CCBE1: variants seen among roughly 807,000 people sequenced by gnomAD.
The protein encoded by CCBE1 is collagen and calcium binding EGF domains 1.
CCBE1 carries 37 observed loss-of-function variants against 50.0 expected under a neutral mutation model. The observed-to-expected ratio is 0.74, with a 90% CI of 0.57 to 0.97. The LOEUF is 0.97. Among genes scored for constraint, CCBE1 ranks in the 50% least tolerant of loss-of-function variants. The probability of loss-of-function intolerance (pLI) is 0.00; values close to 1 mark genes in which losing one functional copy is unlikely to be tolerated. For synonymous variants in CCBE1, 234 were observed against 203.7 expected (o/e 1.15, Z -1.27); for missense variants, 538 against 523.8 (o/e 1.03, Z -0.26).
intron 2 of CCBE1, among the ~76,000 whole-genome samples, chr18:59,578,903 C>T (rs1427911155): frequency 5.9e-5 from 9 of 152,052 alleles, no homozygotes; most frequent in South Asian, 2.1e-4. Context: ...ACCTATGTAA[C>T]GAACCTGCAC....
At chr18:59,460,498 G>C (rs549646224) in intron 5 of CCBE1, among the ~76,000 whole-genome samples, 15 of 152,316 alleles carry the variant, frequency 9.8e-5, no homozygotes, top group Non-Finnish European at 1.8e-4. Context: ...CGGAATGTGG[G>C]ACTCTTTTTG....
rs143076356 is a variant in CCBE1, at chr18:59,649,972, A to G, written c.212+46657T>C. 2.0e-4 allele frequency among the ~76,000 whole-genome samples: 31 copies of G among 152,246 alleles called. 1 individual carries two copies. In the East Asian group the frequency reaches 4.5e-3, roughly 22 times the overall value. ...GGGAAAGGAGGGAGGGGTCCCAGAC[A>G]GGCCTTCCCCACTTGTTTTAGTGGC... On this transcript the variant is annotated intron_variant, in intron 2 of 10. Coordinates refer to ENST00000439986, the MANE Select transcript of CCBE1 (RefSeq NM_133459.4).
intron 2 of CCBE1, among the ~76,000 whole-genome samples, chr18:59,646,344 G>GAGGGATTCT (rs1488200519): frequency 6.6e-6 from 1 of 152,196 alleles, no homozygotes; most frequent in African/African-American, 2.4e-5. Flanking sequence ...ATTGTCCTGA[G>GAGGGATTCT]AGGGATTCTA....
chr18:59,571,120 C>G (rs1052301437), intron 2 of CCBE1, among the ~76,000 whole-genome samples: 1 of 152,186 alleles, frequency 6.6e-6, no homozygotes, highest in Non-Finnish European at 1.5e-5. Flanking sequence ...GTAGAGCAAG[C>G]CAGAATTAAC....
intron 2 of CCBE1, among the ~76,000 whole-genome samples, chr18:59,530,599 G>GC (rs1172506090): frequency 6.6e-6 from 1 of 152,246 alleles, no homozygotes; most frequent in African/African-American, 2.4e-5. Context: ...TAAGATATCT[G>GC]CTCCCCTTTA....
intron 2 of CCBE1, among the ~76,000 whole-genome samples, chr18:59,567,827 C>T (rs182118815): frequency 2.1e-4 from 32 of 152,320 alleles, no homozygotes; most frequent in African/African-American, 7.5e-4. Context: ...CAACAGTGTG[C>T]AGATTTAAAG....
At chr18:59,689,977 A>G (rs2054707646) in intron 2 of CCBE1, among the ~76,000 whole-genome samples, 1 of 151,954 alleles carries the variant, frequency 6.6e-6, no homozygotes, top group African/African-American at 2.4e-5. Context: ...TAAGATCTTA[A>G]CCTCCAAAGT....
At chr18:59,682,980 T>C (rs1466403005) in intron 2 of CCBE1, among the ~76,000 whole-genome samples, 1 of 152,254 alleles carries the variant, frequency 6.6e-6, no homozygotes, top group Non-Finnish European at 1.5e-5. Context: ...AAAGAAATTA[T>C]CAAATAATCC....
Position 59,592,653 on chromosome 18 carries a change from T to C in CCBE1, c.212+103976A>G, listed in dbSNP as rs563831966. 4.6e-5 allele frequency among the ~76,000 whole-genome samples: 7 copies of C among 152,316 alleles called. No homozygotes were observed. In the South Asian group the frequency reaches 1.4e-3, roughly 32 times the overall value. On this transcript the variant is annotated intron_variant, in intron 2 of 10. Coordinates refer to ENST00000439986, the MANE Select transcript of CCBE1 (RefSeq NM_133459.4). ...TACTACTATAGATAGATACGTCTAC[T>C]TATGTTTACAAAAATGAACATGGGA...
At chr18:59,480,515 C>A (rs965024280) in intron 2 of CCBE1, among the ~76,000 whole-genome samples, 5 of 152,092 alleles carry the variant, frequency 3.3e-5, no homozygotes, top group Admixed American at 6.5e-5. Flanking sequence ...CTTCAAGATA[C>A]TTATATTAAG....
At chr18:59,479,055 C>T (rs925976046) in intron 3 of CCBE1, among the ~76,000 whole-genome samples, 1 of 152,176 alleles carries the variant, frequency 6.6e-6, no homozygotes, top group South Asian at 2.1e-4. Context: ...CTGTTTCTAA[C>T]TGATCAAAAA....
chr18:59,566,816 A>G (rs2052837089), intron 2 of CCBE1, among the ~76,000 whole-genome samples: 1 of 152,036 alleles, frequency 6.6e-6, no homozygotes, highest in Admixed American at 6.6e-5. Flanking sequence ...AACCCCCAAG[A>G]AAAAAAATGA....
At chr18:59,673,018 T>G (rs1047145301) in intron 2 of CCBE1, among the ~76,000 whole-genome samples, 82 of 152,028 alleles carry the variant, frequency 5.4e-4, no homozygotes, top group African/African-American at 1.8e-3. Flanking sequence ...AAAAAAAAAT[T>G]TAAGACTAAG....
At chr18:59,545,676 G>A (rs1400569215) in intron 2 of CCBE1, among the ~76,000 whole-genome samples, 2 of 152,204 alleles carry the variant, frequency 1.3e-5, no homozygotes, top group Non-Finnish European at 2.9e-5. Flanking sequence ...TAATTCCCAT[G>A]TGTTGTGGGA....
intron 2 of CCBE1, among the ~76,000 whole-genome samples, chr18:59,527,745 T>A (rs188945941): frequency 3.2e-4 from 48 of 152,310 alleles, no homozygotes; most frequent in African/African-American, 1.2e-3. Flanking sequence ...AGTATGAAGC[T>A]TAGTTTGGCT....
At position 59,595,036 on chromosome 18, in the gene CCBE1, C is replaced by T. The variant is rs548973937; in HGVS notation, c.212+101593G>A. 2.4e-3 allele frequency among the ~76,000 whole-genome samples: 355 copies of T among 150,206 alleles called. 1 individual carries two copies. The highest frequency in any genetic ancestry group is 4.9e-3 in the African/African-American group (199 of 40,404). ...CTAAGGCAGGAGAATCCCTTGAACC[C>T]GGGAGATGGAGGTTGCAGTGAGCGG... On this transcript the variant is annotated intron_variant, in intron 2 of 10. Transcript: ENST00000439986.
At chr18:59,607,638 G>GC (rs1246327764) in intron 2 of CCBE1, among the ~76,000 whole-genome samples, 2 of 152,162 alleles carry the variant, frequency 1.3e-5, no homozygotes, top group East Asian at 1.9e-4. Context: ...CTGTCCTAGG[G>GC]CACCTCGCTG....
intron 2 of CCBE1, among the ~76,000 whole-genome samples, chr18:59,551,541 C>G (rs1163946015): frequency 6.6e-6 from 1 of 152,206 alleles, no homozygotes; most frequent in Non-Finnish European, 1.5e-5. Context: ...GGAATTTTTT[C>G]AGCTACATTA....
At chr18:59,599,904 T>G (rs990173006) in intron 2 of CCBE1, among the ~76,000 whole-genome samples, 2 of 152,020 alleles carry the variant, frequency 1.3e-5, no homozygotes, top group African/African-American at 4.8e-5. Flanking sequence ...GGACTAATGG[T>G]TTAAAAAAAG....
Sources: allele counts gnomAD v4.1 joint callset (sites outside exome capture counted in the v4.1 genomes callset), GRCh38; gene constraint gnomAD v4.1.1; transcripts MANE v1.5; gene names NCBI Gene and HGNC (gene_info 2026-07-23, HGNC 2026-07-21).